Variants in PFKFB3 observed in about 807,000 individuals in gnomAD.
PFKFB3 encodes 6-phosphofructo-2-kinase/fructose-2,6-biphosphatase 3.
PFKFB3 carries 33 observed loss-of-function variants against 68.0 expected under a neutral mutation model. The observed-to-expected ratio is 0.49, with a 90% CI of 0.37 to 0.65. The LOEUF is 0.65. PFKFB3 is among the 30% of genes least tolerant of loss of function. PFKFB3 has a pLI of 0.00. For synonymous variants in PFKFB3, 315 were observed against 288.2 expected (o/e 1.09, Z -0.94); for missense variants, 586 against 712.2 (o/e 0.82, Z 2.02).
At chr10:6,230,516 G>A (rs572901488) in intron 14 of PFKFB3, among the ~76,000 whole-genome samples, 1 of 152,260 alleles carries the variant, frequency 6.6e-6, no homozygotes, top group Admixed American at 6.5e-5. Context: ...CTGGCCCCTA[G>A]GAAGTGCGTG....
chr10:6,197,016 G>T (rs1230907239), intron 1 of PFKFB3, among the ~76,000 whole-genome samples: 1 of 151,682 alleles, frequency 6.6e-6, no homozygotes, highest in African/African-American at 2.4e-5. Context: ...ACAGAGTCTT[G>T]CTCTGTCCCC....
chr10:6,183,863 T>A lies in PFKFB3; in HGVS notation c.17-29760T>A, dbSNP rs536667486. Among the ~76,000 whole-genome samples, 281 of 151,326 alleles carry A rather than the reference T, an allele frequency of 1.9e-3. 1 individual carries two copies. Among genetic ancestry groups the A allele is most frequent in the African/African-American group, 6.3e-3 (260 of 41,262 alleles). On this transcript the variant is annotated intron_variant, in intron 1 of 14. Transcript: ENST00000379789. ...CCACCACGCCCGGCTAATTTTTTTT[T>A]ATATTTTTAGTAGAGACGGGGTTTC...
rs149824129 is a variant in PFKFB3 at position 6,213,841 on chromosome 10, C to T, written c.202+93C>T. The T allele has an allele frequency of 1.3e-3, 1,841 of 1,397,850 alleles. 12 individuals carry two copies. The African/African-American group carries it at 0.02, about 15-fold the overall frequency. 86.6% of individuals were successfully genotyped at this position (1,397,850 alleles called of 1,614,324 possible). The stretch of plus-strand genomic sequence containing the variant: ...TTTCACAGGCAGGACCACCCCTGGG[C>T]GCCTCTGTCCCCTGGTCGGGGAGTC... On this transcript the variant is annotated intron_variant, in intron 2 of 14. Coordinates refer to ENST00000379775, the MANE Select transcript of PFKFB3 (RefSeq NM_004566.4).
chr10:6,276,847 T>TGA, the PFKFB3 span, among the ~76,000 whole-genome samples: 1 of 151,292 alleles, frequency 6.6e-6, no homozygotes, highest in African/African-American at 2.4e-5. Context: ...TTTGTGTGTG[T>TGA]GTGTGTGTGT....
rs118171330 is a variant in PFKFB3 at position 6,182,611 on chromosome 10, C to T, written c.17-31012C>T. On this transcript the variant is annotated intron_variant, in intron 1 of 14. Transcript: ENST00000379789. ...GAGCAGTAGGTCCCGAGCGGGAGTG[C>T]CGGGATGTGGCCTCGAGGCCCCCGC... Among the ~76,000 whole-genome samples the T allele has an allele frequency of 4.8e-3, 738 of 152,342 alleles. 4 individuals carry two copies. Among genetic ancestry groups the T allele is most frequent in the East Asian group, 0.029 (150 of 5,182 alleles).
At chr10:6,204,623 T>A (rs1843569234) in intron 1 of PFKFB3, among the ~76,000 whole-genome samples, 5 of 152,192 alleles carry the variant, frequency 3.3e-5, no homozygotes, top group Admixed American at 3.3e-4. Context: ...CCCCTCTTTG[T>A]GAGGTAGCCC....
At chr10:6,176,423 C>G (rs1842474290) in intron 1 of PFKFB3, among the ~76,000 whole-genome samples, 1 of 152,094 alleles carries the variant, frequency 6.6e-6, no homozygotes, top group African/African-American at 2.4e-5. Flanking sequence ...TTTAATTGTG[C>G]AAGAGATGGG....
At chr10:6,160,379 C>G (rs1841935489) in intron 1 of PFKFB3, among the ~76,000 whole-genome samples, 1 of 152,142 alleles carries the variant, frequency 6.6e-6, no homozygotes, top group Admixed American at 6.6e-5. Flanking sequence ...TACCTGAGGT[C>G]CAGAAAGCAA....
rs753663206 is a variant in PFKFB3, at chr10:6,229,187, C to T, written c.1515+2822C>T. The T allele has an allele frequency of 1.9e-6, 1 of 521,024 alleles. No homozygotes were observed. Among genetic ancestry groups the T allele is most frequent in the South Asian group, 1.4e-5 (1 of 69,544 alleles). 32.3% of individuals were successfully genotyped at this position (521,024 alleles called of 1,614,324 possible). Reference sequence around the variant, plus strand: ...GGCTTTGGAAATGGGAGAGGTTTGGCATGGCGCTCAGATTTTGGTGGCAAA... The same window carrying T: ...GGCTTTGGAAATGGGAGAGGTTTGGTATGGCGCTCAGATTTTGGTGGCAAA... On this transcript the variant is annotated intron_variant, in intron 14 of 14. Transcript: ENST00000379775. This position sits in a 1 kb window ranked among gnomAD's most constrained non-coding sequence, Gnocchi z 4.3.
chr10:6,144,955 C>G, exon 1 of PFKFB3: 2 of 1,269,332 alleles, frequency 1.6e-6, no homozygotes, highest in Non-Finnish European at 2.0e-6. Flanking sequence ...GTCGTCCTGT[C>G]TGGGTGTCGC....
At chr10:6,182,468 G>A (rs973657889) in intron 1 of PFKFB3, among the ~76,000 whole-genome samples, 22 of 152,170 alleles carry the variant, frequency 1.4e-4, no homozygotes, top group Admixed American at 1.2e-3. Context: ...TCCTAGGGCC[G>A]AGCTGGCTGG....
chr10:6,204,067 G>T (rs966038034), intron 1 of PFKFB3, among the ~76,000 whole-genome samples: 1 of 151,768 alleles, frequency 6.6e-6, no homozygotes, highest in African/African-American at 2.4e-5. Flanking sequence ...CGCCCCGGGC[G>T]CACGCACCCC....
chr10:6,175,316 C>T (rs887316598), intron 1 of PFKFB3, among the ~76,000 whole-genome samples: 5 of 152,184 alleles, frequency 3.3e-5, no homozygotes, highest in Non-Finnish European at 7.3e-5. Context: ...TCCATCATGG[C>T]ACTTTGGGGC....
the PFKFB3 span, among the ~76,000 whole-genome samples, chr10:6,284,269 A>T: frequency 6.6e-6 from 1 of 152,178 alleles, no homozygotes. Flanking sequence ...TATTTTTTAT[A>T]CCGGGGTGTT....
intron 14 of PFKFB3, among the ~76,000 whole-genome samples, chr10:6,248,756 A>T (rs565450622): frequency 6.6e-6 from 1 of 152,326 alleles, no homozygotes; most frequent in African/African-American, 2.4e-5. Flanking sequence ...TGCGTCATTA[A>T]TGCATTCATG....
chr10:6,302,866 T>C, the PFKFB3 span, among the ~76,000 whole-genome samples: 1 of 152,116 alleles, frequency 6.6e-6, no homozygotes, highest in Non-Finnish European at 1.5e-5. Context: ...AAAGTCATCT[T>C]TGAAATTTAG....
intron 14 of PFKFB3, among the ~76,000 whole-genome samples, chr10:6,247,301 G>A (rs1846281903): frequency 1.3e-5 from 2 of 152,102 alleles, no homozygotes; most frequent in South Asian, 4.1e-4. Context: ...GCCAAACCTT[G>A]GTCAAAAATG....
At chr10:6,175,774 T>C (rs190981720) in intron 1 of PFKFB3, among the ~76,000 whole-genome samples, 312 of 152,346 alleles carry the variant, frequency 2.0e-3, no homozygotes, top group African/African-American at 7.0e-3. Context: ...ACCTCCCTAA[T>C]TATTCAAGAG....
intron 1 of PFKFB3, among the ~76,000 whole-genome samples, chr10:6,155,205 C>CTTTTTTTT (rs55673645): frequency 7.6e-6 from 1 of 132,388 alleles, no homozygotes; most frequent in Non-Finnish European, 1.6e-5. Flanking sequence ...GAGTTTTTTT[C>CTTTTTTTT]TTTTTTTTTT....
Sources: gnomAD v4.1 joint callset for allele counts (sites outside exome capture counted in the v4.1 genomes callset) on GRCh38, gnomAD v4.1.1 for gene constraint, Gnocchi (gnomAD v3.1) non-coding constraint, MANE v1.5 for transcripts, NCBI Gene and HGNC (gene_info 2026-07-23, HGNC 2026-07-21) for gene names.